Variants in FRMD6 observed in about 807,000 individuals in gnomAD.
FRMD6 encodes the protein FERM domain containing 6.
A neutral mutation model predicts 73.2 loss-of-function variants in FRMD6; 37 were observed. That is an observed-to-expected ratio of 0.51 (90% CI 0.39 to 0.66). The LOEUF (loss-of-function observed/expected upper bound fraction) is 0.66, where lower values mean the gene tolerates loss of function less well. FRMD6 is among the 30% of genes least tolerant of loss of function. The pLI, the probability that FRMD6 is intolerant of heterozygous loss-of-function variation, is 0.00. For synonymous variants in FRMD6, 273 were observed against 282.2 expected, an observed-to-expected ratio of 0.97 and a Z score of 0.33; for missense variants, 714 against 780.5, an observed-to-expected ratio of 0.91 and a Z score of 1.02.
intron 2 of FRMD6, among the ~76,000 whole-genome samples, chr14:51,588,677 A>G (rs72673984): frequency 0.081 from 12,376 of 152,152 alleles, 689 homozygotes; most frequent in African/African-American, 0.15. Flanking sequence ...GGCTGCCCCA[A>G]CCTCACACTC....
chr14:51,486,330 G>A (rs577991021), upstream of FRMD6, among the ~76,000 whole-genome samples: 4 of 152,126 alleles, frequency 2.6e-5, no homozygotes, highest in East Asian at 3.9e-4. Context: ...CACCATGCCC[G>A]GCCTGCAAGT....
the FRMD6 span, among the ~76,000 whole-genome samples, chr14:51,400,048 A>G: frequency 2.0e-5 from 3 of 152,160 alleles, no homozygotes; most frequent in Non-Finnish European, 2.9e-5. Flanking sequence ...ACATGCATAC[A>G]TTGTGGAATG....
chr14:51,567,277 A>T lies in FRMD6; in HGVS notation c.-209-3071A>T, dbSNP rs1019290553. On this transcript the variant is annotated intron_variant, in intron 1 of 14. Transcript: ENST00000356218. ...TTTTGAAACGAGTGAAGGTCAAATT[A>T]AAAAGTCCCTTGACCCTCTGGTTAC... Among the ~76,000 whole-genome samples the T allele has an allele frequency of 2.0e-5, 3 of 152,338 alleles. No homozygotes were observed. In the South Asian group the frequency reaches 6.2e-4, roughly 32 times the overall value.
At chr14:51,405,870 G>T in the FRMD6 span, among the ~76,000 whole-genome samples, 2 of 152,028 alleles carry the variant, frequency 1.3e-5, no homozygotes, top group African/African-American at 2.4e-5. Flanking sequence ...TGCTTTTGTT[G>T]TGATTGTTTT....
chr14:51,586,734 C>CTTATTA (rs141367143), intron 2 of FRMD6, among the ~76,000 whole-genome samples: 146,276 of 150,682 alleles, frequency 0.97, 71,024 homozygotes, highest in East Asian at 1. Flanking sequence ...TTTACTTTAT[C>CTTATTA]TTATTATTAT....
At chr14:51,722,953 TAC>T (rs1029268148) in intron 12 of FRMD6, among the ~76,000 whole-genome samples, 1 of 152,222 alleles carries the variant, frequency 6.6e-6, no homozygotes, top group Non-Finnish European at 1.5e-5. Flanking sequence ...ACCAGACCGA[TAC>T]ACAGTCACTA....
chr14:51,658,830 TAAGAA>T (rs1318660152), intron 1 of FRMD6, among the ~76,000 whole-genome samples: 17 of 152,194 alleles, frequency 1.1e-4, no homozygotes, highest in South Asian at 1.0e-3. Context: ...TTTTATTACT[TAAGAA>T]AAGACTCAGA....
intron 1 of FRMD6, among the ~76,000 whole-genome samples, chr14:51,551,111 T>A (rs558910175): frequency 6.6e-5 from 10 of 152,210 alleles, no homozygotes; most frequent in African/African-American, 2.4e-4. Flanking sequence ...ACCCACTAGA[T>A]CCTCCATTTA....
the FRMD6 span, among the ~76,000 whole-genome samples, chr14:51,469,473 C>T: frequency 6.6e-6 from 1 of 150,876 alleles, no homozygotes; most frequent in African/African-American, 2.4e-5. Flanking sequence ...CTTAGCCGAG[C>T]GTGGTGGCAG....
chr14:51,468,116 C>T, the FRMD6 span, among the ~76,000 whole-genome samples: 2 of 152,120 alleles, frequency 1.3e-5, no homozygotes, highest in Non-Finnish European at 2.9e-5. Context: ...CGGCGAAACC[C>T]CGTCTCCACC....
chr14:51,553,679 C>A (rs554982927), intron 1 of FRMD6, among the ~76,000 whole-genome samples: 1 of 152,116 alleles, frequency 6.6e-6, no homozygotes, highest in Non-Finnish European at 1.5e-5. Context: ...CTAGGGATAC[C>A]TACTGATCAG....
At chr14:51,531,463 A>C (rs1308587592) in intron 1 of FRMD6, among the ~76,000 whole-genome samples, 1 of 152,212 alleles carries the variant, frequency 6.6e-6, no homozygotes, top group Non-Finnish European at 1.5e-5. Flanking sequence ...TCACAGCCAC[A>C]AGGAGAAATG....
At chr14:51,484,506 C>T (rs150451984), upstream of FRMD6, among the ~76,000 whole-genome samples, 1,369 of 152,246 alleles carry the variant, frequency 9.0e-3, 18 homozygotes, top group African/African-American at 0.032. Flanking sequence ...ACTACCACCA[C>T]CAGAATAGCC....
intron 2 of FRMD6, among the ~76,000 whole-genome samples, chr14:51,572,644 T>C (rs1436923454): frequency 6.6e-6 from 1 of 152,172 alleles, no homozygotes; most frequent in Non-Finnish European, 1.5e-5. Context: ...ATGAGAGACA[T>C]CTGGAATCTA....
At chr14:51,601,905 C>T (rs1186140097) in intron 2 of FRMD6, among the ~76,000 whole-genome samples, 1 of 151,996 alleles carries the variant, frequency 6.6e-6, no homozygotes, top group East Asian at 1.9e-4. Flanking sequence ...TTTCTTGTAC[C>T]ACAGTTGTTC....
rs377696171 is a variant in FRMD6 at position 51,660,095 on chromosome 14, T to C, written c.-147+8099T>C. ...GTCCAGATAACCCAGTTCCCCGTTT[T>C]GATTGTGTGTGTAAAATCTTGAGCT... On this transcript the variant is annotated intron_variant, in intron 1 of 13. Coordinates refer to ENST00000344768, the MANE Select transcript of FRMD6 (RefSeq NM_001267046.2). Among the ~76,000 whole-genome samples the C allele has an allele frequency of 2.0e-5, 3 of 152,208 alleles. No individual in the cohort carries two copies. The East Asian group carries it at 5.8e-4, about 29-fold the overall frequency.
At chr14:51,527,842 C>G (rs918542313) in intron 1 of FRMD6, among the ~76,000 whole-genome samples, 1 of 152,168 alleles carries the variant, frequency 6.6e-6, no homozygotes, top group African/African-American at 2.4e-5. Flanking sequence ...TATGATCCCT[C>G]TGTTCCAGCA....
At chr14:51,683,443 C>G (rs1377111170) in intron 1 of FRMD6, among the ~76,000 whole-genome samples, 2 of 126,906 alleles carry the variant, frequency 1.6e-5, no homozygotes, top group East Asian at 4.5e-4. Context: ...CCATGCTCAG[C>G]TATTTTTTTT....
intron 13 of FRMD6, 77 bp from the exon 14 acceptor site, chr14:51,727,668 C>G: frequency 7.2e-7 from 1 of 1,379,500 alleles, no homozygotes; most frequent in Middle Eastern, 1.9e-4. Flanking sequence ...TTTTGTGGTT[C>G]TGTAGCATCT....
Sources: allele counts gnomAD v4.1 joint callset (sites outside exome capture counted in the v4.1 genomes callset), GRCh38; gene constraint gnomAD v4.1.1; transcripts MANE v1.5; gene names NCBI Gene and HGNC (gene_info 2026-07-23, HGNC 2026-07-21).